The following PACSIN2 variants were observed in gnomAD, a reference collection of about 807,000 sequenced individuals.
PACSIN2 encodes protein kinase C and casein kinase substrate in neurons 2.
In PACSIN2, 25 loss-of-function variants were observed where a neutral mutation model predicts 63.8. The ratio of observed to expected loss-of-function variants is 0.39; its 90% confidence interval spans 0.29 to 0.55. The LOEUF (loss-of-function observed/expected upper bound fraction) is 0.55. PACSIN2 is among the 20% of genes least tolerant of loss of function. The probability of loss-of-function intolerance (pLI) is 0.62; values close to 1 mark genes in which losing one functional copy is unlikely to be tolerated. For synonymous variants in PACSIN2, 255 were observed against 256.2 expected, an observed-to-expected ratio of 1.00 and a Z score of 0.05; for missense variants, 518 against 646.9, an observed-to-expected ratio of 0.80 and a Z score of 2.16.
intron 3 of PACSIN2, among the ~76,000 whole-genome samples, chr22:42,891,549 C>T (rs112103667): frequency 4.7e-4 from 72 of 152,152 alleles, no homozygotes; most frequent in African/African-American, 1.6e-3. Context: ...TACAGGTGCC[C>T]GCCACCACGC....
In PACSIN2 at chr22:42,881,880, G is replaced by A. The variant is rs544116704; in HGVS notation, c.906+304C>T. On this transcript the variant is annotated intron_variant, in intron 7 of 10. Transcript: ENST00000263246. ...GGGACCTGAGGTCCTGTGTGCCTACGGCTCCTGAGACTGACTAGGAAGGAA... is the reference window on the plus strand; with the variant it reads ...GGGACCTGAGGTCCTGTGTGCCTACAGCTCCTGAGACTGACTAGGAAGGAA... 4.6e-5 allele frequency among the ~76,000 whole-genome samples: 7 copies of A among 152,188 alleles called. No individual in the cohort carries two copies. In the East Asian group the frequency reaches 5.8e-4, roughly 13 times the overall value.
chr22:42,984,713 C>T (rs1288499230), intron 1 of PACSIN2, among the ~76,000 whole-genome samples: 1 of 152,162 alleles, frequency 6.6e-6, no homozygotes, highest in African/African-American at 2.4e-5. Context: ...TCACCTGTGC[C>T]AAAAGGCTGC....
At chr22:42,895,389 C>T (rs996553868) in intron 2 of PACSIN2, among the ~76,000 whole-genome samples, 3 of 152,220 alleles carry the variant, frequency 2.0e-5, no homozygotes, top group African/African-American at 4.8e-5. Context: ...TTAGCCTTGA[C>T]AGTCGACATG....
chr22:42,899,814 G>A (rs1345969632), intron 2 of PACSIN2, among the ~76,000 whole-genome samples: 3 of 152,190 alleles, frequency 2.0e-5, no homozygotes, highest in Non-Finnish European at 2.9e-5. Context: ...CGACTACGCC[G>A]ACACACTGAC....
rs9623726 is a variant in PACSIN2 at position 42,966,097 on chromosome 22, C to T, written c.-78+48924G>A. On this transcript the variant is annotated intron_variant, in intron 1 of 10. Coordinates refer to ENST00000263246, the MANE Select transcript of PACSIN2 (RefSeq NM_001184970.3). ...GTAAATAGAGCCATCTTGGGCTGGG[C>T]GCGGTGGCTCACGCCTGTAATCCCA... 6.5e-3 allele frequency among the ~76,000 whole-genome samples: 986 copies of T among 152,240 alleles called. 13 individuals are homozygous for T. The highest frequency in any genetic ancestry group is 0.023 in the African/African-American group (954 of 41,536).
chr22:42,960,622 A>T (rs1934097372), intron 1 of PACSIN2, among the ~76,000 whole-genome samples: 1 of 152,250 alleles, frequency 6.6e-6, no homozygotes, highest in Non-Finnish European at 1.5e-5. Context: ...TGCCTACAAG[A>T]ATACATGCTG....
intron 1 of PACSIN2, among the ~76,000 whole-genome samples, chr22:42,976,535 G>T (rs536214369): frequency 1.3e-5 from 2 of 152,354 alleles, no homozygotes; most frequent in East Asian, 3.9e-4. Flanking sequence ...CACTTAACAG[G>T]CTTGCTGCTG....
chr22:42,923,573 G>GC (rs1932338514), intron 1 of PACSIN2, among the ~76,000 whole-genome samples: 1 of 152,046 alleles, frequency 6.6e-6, no homozygotes, highest in South Asian at 2.1e-4. Context: ...GACTACAGGC[G>GC]CCCGCCACCA....
chr22:42,952,192 G>A (rs73417284), intron 1 of PACSIN2, among the ~76,000 whole-genome samples: 7,262 of 152,102 alleles, frequency 0.048, 557 homozygotes, highest in African/African-American at 0.17. Flanking sequence ...CCACTGATAC[G>A]TAACAGGCAC....
chr22:43,004,371 G>A (rs1345692375), intron 1 of PACSIN2, among the ~76,000 whole-genome samples: 2 of 152,170 alleles, frequency 1.3e-5, no homozygotes, highest in Non-Finnish European at 2.9e-5. Flanking sequence ...CACCCCCCAC[G>A]CACATCCTCC....
intron 1 of PACSIN2, among the ~76,000 whole-genome samples, chr22:42,942,277 A>G (rs1168231971): frequency 6.6e-6 from 1 of 151,998 alleles, no homozygotes. Context: ...TTTATCAGAT[A>G]TATGATTTGA....
intron 1 of PACSIN2, among the ~76,000 whole-genome samples, chr22:43,007,851 C>A (rs1924196362): frequency 6.6e-6 from 1 of 152,240 alleles, no homozygotes; most frequent in African/African-American, 2.4e-5. Context: ...AGGACCACTA[C>A]CTCTGACTCA....
chr22:42,998,413 C>T (rs887189627), intron 1 of PACSIN2, among the ~76,000 whole-genome samples: 1 of 152,184 alleles, frequency 6.6e-6, no homozygotes, highest in Non-Finnish European at 1.5e-5. Flanking sequence ...ACGCATGACT[C>T]GCACAGATGC....
At chr22:42,965,061 G>A (rs1465268325) in intron 1 of PACSIN2, among the ~76,000 whole-genome samples, 1 of 152,198 alleles carries the variant, frequency 6.6e-6, no homozygotes, top group African/African-American at 2.4e-5. Context: ...AAACCCAACT[G>A]TGTGTGGCAT....
At chr22:42,952,478 C>A (rs1290771846) in intron 1 of PACSIN2, among the ~76,000 whole-genome samples, 1 of 151,644 alleles carries the variant, frequency 6.6e-6, no homozygotes, top group Non-Finnish European at 1.5e-5. Flanking sequence ...CCTGCCTCAG[C>A]CTCCTGATTA....
intron 1 of PACSIN2, among the ~76,000 whole-genome samples, chr22:42,926,470 C>T (rs1932542016): frequency 6.6e-6 from 1 of 152,086 alleles, no homozygotes; most frequent in East Asian, 1.9e-4. Flanking sequence ...CACCTCATGG[C>T]ACAGAACTAT....
chr22:42,982,869 T>TTAAA (rs1922285238), intron 1 of PACSIN2, among the ~76,000 whole-genome samples: 3 of 44,010 alleles, frequency 6.8e-5, no homozygotes, highest in African/African-American at 1.4e-4. Flanking sequence ...GAATGATCAA[T>TTAAA]AAAAAAAAAA....
At chr22:42,947,097 A>G (rs1449006941) in intron 1 of PACSIN2, 3 of 152,290 alleles carry the variant, frequency 2.0e-5, no homozygotes, top group Non-Finnish European at 4.4e-5. Context: ...ACCCTAAAAA[A>G]GAAAACTCAC....
chr22:42,931,275 G>A (rs567244196), intron 1 of PACSIN2, among the ~76,000 whole-genome samples: 10 of 152,352 alleles, frequency 6.6e-5, no homozygotes, highest in Admixed American at 3.3e-4. Context: ...CCAGGGGCAC[G>A]TTACTTAACC....
Sources: allele counts gnomAD v4.1 joint callset (sites outside exome capture counted in the v4.1 genomes callset), GRCh38; gene constraint gnomAD v4.1.1; transcripts MANE v1.5; gene names NCBI Gene and HGNC (gene_info 2026-07-23, HGNC 2026-07-21).